Variants in PTPRK observed in about 807,000 individuals in gnomAD.
PTPRK encodes the protein receptor-type tyrosine-protein phosphatase kappa.
Under a neutral mutation model 178.0 loss-of-function variants are expected in PTPRK, and 75 were observed. That is an observed-to-expected ratio of 0.42 (90% CI 0.35 to 0.51). The LOEUF (loss-of-function observed/expected upper bound fraction) is 0.51. Among genes scored for constraint, PTPRK ranks in the 20% least tolerant of loss-of-function variants. The pLI, the probability that PTPRK is intolerant of heterozygous loss-of-function variation, is 0.02. For synonymous variants in PTPRK, 637 were observed against 620.6 expected, an observed-to-expected ratio of 1.03 and a Z score of -0.39; for missense variants, 1,441 against 1,797.8, an observed-to-expected ratio of 0.80 and a Z score of 3.59.
intron 6 of PTPRK, among the ~76,000 whole-genome samples, chr6:128,200,697 G>T (rs1350759950): frequency 6.6e-6 from 1 of 151,352 alleles, no homozygotes; most frequent in African/African-American, 2.4e-5. Flanking sequence ...GTGACAGAGA[G>T]AGACCCTGTC....
At chr6:128,040,174 C>T (rs1776931842) in intron 13 of PTPRK, among the ~76,000 whole-genome samples, 2 of 152,100 alleles carry the variant, frequency 1.3e-5, no homozygotes, top group Non-Finnish European at 2.9e-5. Context: ...TTCTTATTTG[C>T]TCTAGTCTTT....
intron 5 of PTPRK, among the ~76,000 whole-genome samples, chr6:128,233,865 A>G (rs143302556): frequency 3.8e-4 from 58 of 152,294 alleles, no homozygotes; most frequent in African/African-American, 1.3e-3. Context: ...CCTACTTTCA[A>G]TAACTCCACT....
At chr6:128,024,843 C>A (rs778301645) in intron 13 of PTPRK, among the ~76,000 whole-genome samples, 1 of 151,866 alleles carries the variant, frequency 6.6e-6, no homozygotes, top group African/African-American at 2.4e-5. Flanking sequence ...CAAACCAGGC[C>A]TATATTGTAA....
intron 1 of PTPRK, among the ~76,000 whole-genome samples, chr6:128,423,126 G>C (rs1033479893): frequency 1.1e-4 from 16 of 152,186 alleles, no homozygotes; most frequent in African/African-American, 3.6e-4. Flanking sequence ...GTCTTCTCAT[G>C]ACCTAGCCAC....
intron 1 of PTPRK, among the ~76,000 whole-genome samples, chr6:128,511,164 G>A (rs146710382): frequency 1.1e-4 from 17 of 152,254 alleles, no homozygotes; most frequent in African/African-American, 3.1e-4. Flanking sequence ...AAAAACAGGT[G>A]ATCTGTAAAT....
At chr6:128,240,581 G>A (rs536972264) in intron 4 of PTPRK, among the ~76,000 whole-genome samples, 11 of 152,006 alleles carry the variant, frequency 7.2e-5, no homozygotes, top group African/African-American at 2.2e-4. Flanking sequence ...GCAGTGACAC[G>A]GCCATTGAAC....
intron 2 of PTPRK, among the ~76,000 whole-genome samples, chr6:128,326,831 C>T (rs1829644167): frequency 1.3e-5 from 2 of 151,986 alleles, no homozygotes; most frequent in African/African-American, 4.8e-5. Context: ...ATTAGATTTG[C>T]ACATTTTTAT....
chr6:128,313,094 T>C (rs540071184), intron 3 of PTPRK, among the ~76,000 whole-genome samples: 1 of 152,054 alleles, frequency 6.6e-6, no homozygotes, highest in Non-Finnish European at 1.5e-5. Flanking sequence ...ATCACCAATA[T>C]ACAGTCTGGC....
intron 3 of PTPRK, among the ~76,000 whole-genome samples, chr6:128,253,566 C>T (rs1195555469): frequency 6.6e-6 from 1 of 152,184 alleles, no homozygotes; most frequent in East Asian, 1.9e-4. Context: ...CTCCTCACTT[C>T]TAGAGATGTG....
intron 3 of PTPRK, among the ~76,000 whole-genome samples, chr6:128,274,860 C>CA (rs1820465645): frequency 6.6e-6 from 1 of 151,590 alleles, no homozygotes; most frequent in African/African-American, 2.4e-5. Flanking sequence ...CTCAGCTAAC[C>CA]AAAAAAACAA....
At position 128,194,650 on chromosome 6, in the gene PTPRK, ACT is replaced by A. The variant is rs541050458; in HGVS notation, c.869-9927_869-9926del. ...AGCAATAAAACTAGGAAAGCCTTTA[ACT>A]CTGTTCAGTTCACTGAAGTCTAGGG... On this transcript the variant is annotated intron_variant, in intron 6 of 29. Coordinates refer to ENST00000368226, the MANE Select transcript of PTPRK (RefSeq NM_002844.4). Among the ~76,000 whole-genome samples, 11 of 152,266 alleles carry A rather than the reference ACT, an allele frequency of 7.2e-5. 1 individual carries two copies. The highest frequency in any genetic ancestry group is 2.4e-4 in the African/African-American group (10 of 41,560).
chr6:128,446,283 C>A (rs898855030), intron 1 of PTPRK, among the ~76,000 whole-genome samples: 3 of 152,074 alleles, frequency 2.0e-5, no homozygotes, highest in African/African-American at 7.2e-5. Context: ...TAATAGAAGC[C>A]ACGGGGGAAG....
At chr6:128,480,775 T>C (rs997420727) in intron 1 of PTPRK, among the ~76,000 whole-genome samples, 1 of 152,196 alleles carries the variant, frequency 6.6e-6, no homozygotes, top group Non-Finnish European at 1.5e-5. Flanking sequence ...AGTCCAGTGT[T>C]CTGCCCACTT....
intron 5 of PTPRK, among the ~76,000 whole-genome samples, chr6:128,232,355 A>C (rs1304039699): frequency 6.6e-6 from 1 of 152,222 alleles, no homozygotes; most frequent in African/African-American, 2.4e-5. Context: ...GACTTCCCAT[A>C]CACAGTTATA....
intron 1 of PTPRK, among the ~76,000 whole-genome samples, chr6:128,454,844 C>A (rs1045545218): frequency 2.0e-5 from 3 of 152,008 alleles, no homozygotes; most frequent in Non-Finnish European, 2.9e-5. Context: ...TTTTTGAAAG[C>A]TATATTAACT....
At chr6:128,001,163 A>C (rs776363105) in intron 15 of PTPRK, 1 of 1,474,488 alleles carries the variant, frequency 6.8e-7, no homozygotes, top group South Asian at 1.3e-5. Flanking sequence ...CCTTGATTGA[A>C]AGGTTTTCTA....
At chr6:128,099,220 C>T (rs2115049907) in intron 7 of PTPRK, among the ~76,000 whole-genome samples, 1 of 150,860 alleles carries the variant, frequency 6.6e-6, no homozygotes, top group East Asian at 1.9e-4. Flanking sequence ...ATCCAAATCC[C>T]TCTAATACTG....
rs146882341 is a variant in PTPRK, at chr6:128,141,800, C to T, written c.1162+42632G>A. ...GGGTTTCTCAAACTGCCCTTTTTGA[C>T]CCACTGGGATGAATTTAGCAATGTG... On this transcript the variant is annotated intron_variant, in intron 7 of 29. Transcript: ENST00000368226. 5.3e-5 allele frequency among the ~76,000 whole-genome samples: 8 copies of T among 151,948 alleles called. No individual in the cohort carries two copies. In the South Asian group the frequency reaches 1.0e-3, roughly 20 times the overall value.
chr6:128,275,982 C>T (rs1000592273), intron 3 of PTPRK, among the ~76,000 whole-genome samples: 3 of 151,862 alleles, frequency 2.0e-5, no homozygotes, highest in African/African-American at 7.3e-5. Flanking sequence ...ACCTTGCCTA[C>T]TTTATAGACT....
Sources: allele counts gnomAD v4.1 joint callset (sites outside exome capture counted in the v4.1 genomes callset), GRCh38; gene constraint gnomAD v4.1.1; transcripts MANE v1.5; gene names NCBI Gene and HGNC (gene_info 2026-07-23, HGNC 2026-07-21).